The following C11orf65 variants were observed in gnomAD, a reference collection of about 807,000 sequenced individuals.
C11orf65 encodes the protein chromosome 11 open reading frame 65, also known as protein MFI.
C11orf65 carries 38 observed loss-of-function variants against 35.3 expected under a neutral mutation model. The observed-to-expected ratio is 1.08, with a 90% CI of 0.83 to 1.41. C11orf65 has a LOEUF of 1.41. Ranked by LOEUF, C11orf65 falls within the 40% of genes most tolerant of loss-of-function variation. C11orf65 has a pLI of 0.00. For missense variants in C11orf65, 370 were observed against 367.1 expected (o/e 1.01, Z -0.06); for synonymous variants, 105 against 114.4 (o/e 0.92, Z 0.53).
rs751708096 is a variant in C11orf65 at position 108,431,828 on chromosome 11, A to G, written c.92T>C (p.Ile31Thr). The G allele has an allele frequency of 2.0e-6, 3 of 1,497,852 alleles. No homozygotes were observed. Among genetic ancestry groups the G allele is most frequent in the Non-Finnish European group, 2.7e-6 (3 of 1,105,108 alleles). 92.8% of individuals were successfully genotyped at this position (1,497,852 alleles called of 1,614,324 possible). The change falls in exon 3 of 9, where the codon ATA becomes ACA. Residue 31 changes from isoleucine (I) to threonine (T), a missense_variant. Ile to Thr is a moderately conservative substitution (Grantham distance 89, BLOSUM62 -1). Coordinates refer to ENST00000393084, the MANE Select transcript of C11orf65 (RefSeq NM_152587.5). ...QAWKSFLNVA[I>T]FQHFKSLIDL... is the part of the protein sequence containing the mutation. ...AATCAGACTTTTAAAGTGTTGAAAT[A>G]TAGCGACATTCTAAAGGTTCAAACA...
chr11:108,415,503 C>T (rs1591505689), intron 3 of C11orf65, among the ~76,000 whole-genome samples: 2 of 152,222 alleles, frequency 1.3e-5, no homozygotes, highest in African/African-American at 2.4e-5. Flanking sequence ...AATAGGAAGA[C>T]TCAATATTGT....
chr11:108,352,561 T>C (rs1591300834), intron 2 of C11orf65, among the ~76,000 whole-genome samples: 1 of 152,194 alleles, frequency 6.6e-6, no homozygotes, highest in Non-Finnish European at 1.5e-5. Flanking sequence ...CTTTAAGAAC[T>C]CTCAAAACTT....
chr11:108,449,214 G>A (rs920156507), intron 2 of C11orf65, among the ~76,000 whole-genome samples: 19 of 151,958 alleles, frequency 1.3e-4, no homozygotes, highest in Admixed American at 1.1e-3. Context: ...ACTGCCCAAG[G>A]TAATTTATAG....
chr11:108,438,804 G>C (rs2093106687), intron 2 of C11orf65, among the ~76,000 whole-genome samples: 1 of 152,046 alleles, frequency 6.6e-6, no homozygotes, highest in Admixed American at 6.6e-5. Flanking sequence ...TCAGGAGTTT[G>C]AGACCAGTCT....
At chr11:108,396,882 AAT>A (rs1491215187) in intron 6 of C11orf65, among the ~76,000 whole-genome samples, 3 of 145,492 alleles carry the variant, frequency 2.1e-5, no homozygotes, top group Non-Finnish European at 4.5e-5. Context: ...AATAAAATAA[AAT>A]AGTTACTATT....
At chr11:108,330,493 A>G, downstream of C11orf65, 1 of 1,437,172 alleles carries the variant, frequency 7.0e-7, no homozygotes, top group Non-Finnish European at 9.8e-7. Flanking sequence ...GATGTCAGGA[A>G]TCGTGTATAC....
At chr11:108,419,028 T>C (rs765230010) in intron 3 of C11orf65, among the ~76,000 whole-genome samples, 5 of 152,112 alleles carry the variant, frequency 3.3e-5, no homozygotes, top group Non-Finnish European at 7.4e-5. Flanking sequence ...GCACAGATGG[T>C]TTCATTAGTA....
chr11:108,328,465 C>T (rs1591147110), downstream of C11orf65, among the ~76,000 whole-genome samples: 1 of 152,232 alleles, frequency 6.6e-6, no homozygotes, highest in East Asian at 1.9e-4. Context: ...AGTCTGGTCT[C>T]GAACTCCTGA....
intron 2 of C11orf65, among the ~76,000 whole-genome samples, chr11:108,447,183 G>T (rs1331673775): frequency 6.6e-6 from 1 of 152,026 alleles, no homozygotes; most frequent in African/African-American, 2.4e-5. Flanking sequence ...CAATAATAAT[G>T]GGAGACTTTA....
chr11:108,459,516 T>C (rs1195921173), intron 2 of C11orf65, among the ~76,000 whole-genome samples: 1 of 152,162 alleles, frequency 6.6e-6, no homozygotes, highest in African/African-American at 2.4e-5. Flanking sequence ...GCAAACCAAT[T>C]CCCTCATTGG....
chr11:108,327,831 A>C, downstream of C11orf65: 1 of 1,141,218 alleles, frequency 8.8e-7, no homozygotes, highest in Non-Finnish European at 1.3e-6. Flanking sequence ...CAAGATCAAT[A>C]TATTTCCAAA....
chr11:108,422,075 G>A (rs568829485), intron 3 of C11orf65, among the ~76,000 whole-genome samples: 2 of 152,052 alleles, frequency 1.3e-5, no homozygotes, highest in East Asian at 1.9e-4. Flanking sequence ...GACTACAGGC[G>A]CATGCCACCA....
intron 2 of C11orf65, among the ~76,000 whole-genome samples, chr11:108,455,063 T>C (rs764706763): frequency 2.0e-5 from 3 of 152,198 alleles, no homozygotes; most frequent in African/African-American, 7.2e-5. Context: ...TTTTGGTATG[T>C]TGTGTCTCCA....
chr11:108,376,752 AG>A (rs1343440178), intron 2 of C11orf65, among the ~76,000 whole-genome samples: 7 of 152,204 alleles, frequency 4.6e-5, no homozygotes, highest in South Asian at 2.1e-4. Context: ...TAAAGAAAAA[AG>A]GAGAGAAGAA....
At chr11:108,393,504 C>A (rs2092220422) in intron 6 of C11orf65, 126 bp from the exon 7 acceptor site, 2 of 889,298 alleles carry the variant, frequency 2.2e-6, no homozygotes, top group Non-Finnish European at 3.4e-6. Flanking sequence ...AGTTTTCATT[C>A]CTATATAACT....
chr11:108,325,225 A>G, intron 6 of C11orf65: 2 of 897,308 alleles, frequency 2.2e-6, no homozygotes, highest in South Asian at 1.5e-5. Context: ...ATAATATTAT[A>G]TCGTAAGTTC....
At chr11:108,322,186 G>A (rs1307012971) in intron 6 of C11orf65, among the ~76,000 whole-genome samples, 4 of 151,666 alleles carry the variant, frequency 2.6e-5, no homozygotes, top group South Asian at 2.1e-4. Flanking sequence ...ACCAAGTCTC[G>A]CTCTGTTGCC....
intron 2 of C11orf65, among the ~76,000 whole-genome samples, chr11:108,445,150 C>G (rs986593212): frequency 6.6e-6 from 1 of 152,176 alleles, no homozygotes; most frequent in Admixed American, 6.5e-5. Context: ...AGGAGGCCTG[C>G]CTGCCTCTGT....
In C11orf65 at chr11:108,461,541, A is replaced by T. The variant is rs779076209; in HGVS notation, c.19T>A (p.Ser7Thr). 1.9e-6 allele frequency: 3 copies of T among 1,608,852 alleles called. No individual in the cohort carries two copies. Among genetic ancestry groups the T allele is most frequent in the Admixed American group, 3.3e-5 (2 of 59,800 alleles). ...GCCTTATCCTGCTTTGTAAATTCTG[A>T]TTCCTCTTTCCAAGGCATTTGAAAT... MPWKEE[S>T]EFTKQDKAAR... Residue 7 changes from serine (S) to threonine (T), a missense_variant, in exon 2 of 9, where the codon TCA becomes ACA. Transcript: ENST00000393084.
Sources: allele counts gnomAD v4.1 joint callset (sites outside exome capture counted in the v4.1 genomes callset), GRCh38; gene constraint gnomAD v4.1.1; transcripts MANE v1.5; gene names NCBI Gene and HGNC (gene_info 2026-07-23, HGNC 2026-07-21).